PRKG1: variants seen among roughly 807,000 people sequenced by gnomAD.
The protein encoded by PRKG1 is cGMP-dependent protein kinase 1.
Under a neutral mutation model 88.1 loss-of-function variants are expected in PRKG1, and 35 were observed. The observed-to-expected ratio is 0.40, with a 90% CI of 0.30 to 0.53. The LOEUF (loss-of-function observed/expected upper bound fraction) is 0.53, where lower values mean the gene tolerates loss of function less well. PRKG1 is among the 20% of genes least tolerant of loss of function. The probability of loss-of-function intolerance (pLI) is 0.59; values close to 1 mark genes in which losing one functional copy is unlikely to be tolerated. For missense variants in PRKG1, 540 were observed against 839.8 expected, an observed-to-expected ratio of 0.64 and a Z score of 4.41; for synonymous variants, 303 against 292.5, an observed-to-expected ratio of 1.04 and a Z score of -0.37.
intron 5 of PRKG1, chr10:51,908,734 A>ATATATATATTTAT (rs563212069): frequency 1.9e-5 from 1 of 52,222 alleles, no homozygotes; most frequent in Admixed American, 2.1e-4. Context: ...TCTATATGTA[A>ATATATATATTTAT]TTTTTTTTTT....
At chr10:52,089,120 C>G (rs1322027632) in intron 7 of PRKG1, among the ~76,000 whole-genome samples, 1 of 152,098 alleles carries the variant, frequency 6.6e-6, no homozygotes, top group Non-Finnish European at 1.5e-5. Context: ...TGTTAAATAT[C>G]TGGCCATTTA....
At chr10:52,114,372 T>C (rs1297047945) in intron 7 of PRKG1, among the ~76,000 whole-genome samples, 1 of 152,102 alleles carries the variant, frequency 6.6e-6, no homozygotes, top group Non-Finnish European at 1.5e-5. Flanking sequence ...AGGGAAACTT[T>C]TCTGTCAAGA....
intron 9 of PRKG1, among the ~76,000 whole-genome samples, chr10:52,165,814 G>T (rs368286704): frequency 6.6e-6 from 1 of 152,122 alleles, no homozygotes; most frequent in Non-Finnish European, 1.5e-5. Context: ...AAGCTCAATC[G>T]CAGAAAGATT....
intron 5 of PRKG1, among the ~76,000 whole-genome samples, chr10:51,979,067 T>C (rs909779471): frequency 2.0e-5 from 3 of 152,048 alleles, no homozygotes; most frequent in Non-Finnish European, 4.4e-5. Flanking sequence ...TTTAGCTTTT[T>C]CCCATTCAGC....
At chr10:51,484,521 C>T (rs1840471538) in intron 3 of PRKG1, among the ~76,000 whole-genome samples, 1 of 152,172 alleles carries the variant, frequency 6.6e-6, no homozygotes, top group Admixed American at 6.5e-5. Context: ...AAGCGATCCA[C>T]TTGCCTCGGC....
At chr10:52,077,945 A>G (rs185239512) in intron 7 of PRKG1, among the ~76,000 whole-genome samples, 66 of 152,258 alleles carry the variant, frequency 4.3e-4, no homozygotes, top group Non-Finnish European at 7.9e-4. Context: ...CTTGTCTTTG[A>G]GAGTCAATTT....
intron 5 of PRKG1, among the ~76,000 whole-genome samples, chr10:51,913,194 G>T (rs1203559111): frequency 2.0e-5 from 3 of 152,178 alleles, no homozygotes; most frequent in East Asian, 1.9e-4. Context: ...CTCACAAAGT[G>T]CTGGGATTAC....
At chr10:51,061,438 A>G (rs1013691157) in intron 1 of PRKG1, among the ~76,000 whole-genome samples, 5 of 152,182 alleles carry the variant, frequency 3.3e-5, no homozygotes, top group Non-Finnish European at 7.3e-5. Flanking sequence ...AACTCAGCCA[A>G]ACCATATCAG....
At chr10:51,054,612 A>C (rs368245937) in intron 1 of PRKG1, among the ~76,000 whole-genome samples, 1 of 152,148 alleles carries the variant, frequency 6.6e-6, no homozygotes, top group South Asian at 2.1e-4. Flanking sequence ...GGTGTGACAG[A>C]TTACCAAAGC....
rs76877071 is a variant in PRKG1, at chr10:51,125,033, C to T, written c.312-28131C>T. ...CCATATTGCTTTTAAAATATTGGCA[C>T]TTGGCCAAGCATGGTGGCTGATGCC... is the stretch of plus-strand genomic sequence containing the variant. On this transcript the variant is annotated intron_variant, in intron 1 of 17. Transcript: ENST00000373980. Among the ~76,000 whole-genome samples, 939 of 152,304 alleles carry T rather than the reference C, an allele frequency of 6.2e-3. 8 individuals are homozygous for T. The highest frequency in any genetic ancestry group is 0.022 in the African/African-American group (897 of 41,562).
chr10:52,166,827 A>ATATATG (rs1838473379), intron 9 of PRKG1, among the ~76,000 whole-genome samples: 1 of 18,206 alleles, frequency 5.5e-5, no homozygotes, highest in South Asian at 1.2e-3. Flanking sequence ...ATGTATATAT[A>ATATATG]TGTATATATA....
chr10:52,290,319 G>A lies in PRKG1; in HGVS notation c.1962+29G>A, dbSNP rs10762675. The A allele has an allele frequency of 0.57, 875,520 of 1,545,504 alleles. 255,424 individuals are homozygous for A. Among genetic ancestry groups the A allele is most frequent in the Non-Finnish European group, 0.61 (685,897 of 1,125,958 alleles). ...AGTAGACTTTCCAGCTTATAATTGT[G>A]TGACATAATTGATGGTGTTTATGTC... On this transcript the variant is annotated intron_variant, in intron 17 of 17. Transcript: ENST00000373980.
chr10:51,689,053 A>G (rs191030685), intron 3 of PRKG1, among the ~76,000 whole-genome samples: 1 of 152,270 alleles, frequency 6.6e-6, no homozygotes, highest in African/African-American at 2.4e-5. Context: ...TGCCATCCAT[A>G]TAAGACATGA....
rs918889143 is a variant in PRKG1, at chr10:51,126,003, AT to A, written c.312-27158del. ...TACATATAATTATATAAATGATATA[AT>A]TTATATATAATTTATTTATATATAA... On this transcript the variant is annotated intron_variant, in intron 1 of 17. Coordinates refer to ENST00000373980, the MANE Select transcript of PRKG1 (RefSeq NM_006258.4). Among the ~76,000 whole-genome samples the A allele has an allele frequency of 4.4e-3, 553 of 126,040 alleles. 4 individuals are homozygous for A. The highest frequency in any genetic ancestry group is 8.6e-3 in the African/African-American group (273 of 31,586). 82.7% of individuals were successfully genotyped at this position (126,040 alleles called of 152,430 possible).
intron 1 of PRKG1, chr10:51,148,355 G>T (rs757486902): frequency 7.6e-6 from 6 of 788,276 alleles, no homozygotes; most frequent in Non-Finnish European, 9.2e-6. Context: ...GATGTTTTTG[G>T]TTAAAAATTT....
chr10:52,072,130 C>T (rs1369038998), intron 7 of PRKG1, among the ~76,000 whole-genome samples: 10 of 147,042 alleles, frequency 6.8e-5, no homozygotes, highest in African/African-American at 2.5e-4. Flanking sequence ...CTTTCCAGCA[C>T]CTGAGACTCT....
intron 7 of PRKG1, among the ~76,000 whole-genome samples, chr10:52,102,587 T>C (rs1847319192): frequency 2.5e-5 from 1 of 39,902 alleles, no homozygotes; most frequent in Non-Finnish European, 5.3e-5. Flanking sequence ...ACTGTGGATA[T>C]GGCAAAAAAA....
chr10:52,212,988 T>A (rs1840019105), intron 9 of PRKG1, among the ~76,000 whole-genome samples: 1 of 152,158 alleles, frequency 6.6e-6, no homozygotes, highest in Non-Finnish European at 1.5e-5. Flanking sequence ...GTGCTTTATA[T>A]CAGTGGTCCT....
intron 2 of PRKG1, among the ~76,000 whole-genome samples, chr10:51,206,863 CA>C (rs1838075663): frequency 1.3e-5 from 2 of 152,124 alleles, no homozygotes; most frequent in African/African-American, 4.8e-5. Flanking sequence ...AATCAGAAAT[CA>C]AGTGATAGTA....
Sources: gnomAD v4.1 joint callset for allele counts (sites outside exome capture counted in the v4.1 genomes callset) on GRCh38, gnomAD v4.1.1 for gene constraint, MANE v1.5 for transcripts, NCBI Gene and HGNC (gene_info 2026-07-23, HGNC 2026-07-21) for gene names.